SLC47A1: variants seen among roughly 807,000 people sequenced by gnomAD.
SLC47A1 encodes the protein multidrug and toxin extrusion protein 1.
In SLC47A1, 58 loss-of-function variants were observed where a neutral mutation model predicts 65.8. The ratio of observed to expected loss-of-function variants is 0.88; its 90% CI spans 0.71 to 1.10. The LOEUF is 1.10. SLC47A1 is among the 50% of genes least tolerant of loss of function. The pLI, the probability that SLC47A1 is intolerant of heterozygous loss-of-function variation, is 0.00. For synonymous variants in SLC47A1, 285 were observed against 295.0 expected, an observed-to-expected ratio of 0.97 and a Z score of 0.35; for missense variants, 706 against 719.2, an observed-to-expected ratio of 0.98 and a Z score of 0.21.
chr17:19,551,327 C>A, intron 5 of SLC47A1, 97 bp from the exon 6 acceptor site: 1 of 1,112,532 alleles, frequency 9.0e-7, no homozygotes, highest in Non-Finnish European at 1.4e-6. Flanking sequence ...AGAGGGCAGC[C>A]GAACCTTGGC....
chr17:19,540,543 G>A (rs1347672599), intron 1 of SLC47A1, among the ~76,000 whole-genome samples: 1 of 152,186 alleles, frequency 6.6e-6, no homozygotes, highest in Non-Finnish European at 1.5e-5. Flanking sequence ...ACATCTGTAA[G>A]GGTGGTGACA....
chr17:19,555,534 A>T (rs769455705), intron 7 of SLC47A1, 59 bp from the exon 8 acceptor site: 13 of 1,535,358 alleles, frequency 8.5e-6, no homozygotes, highest in Non-Finnish European at 1.2e-5. Context: ...CTCCTCACTG[A>T]GTTGGGCAGG....
chr17:19,557,464 C>T (rs1448113859), intron 10 of SLC47A1: 2 of 389,002 alleles, frequency 5.1e-6, no homozygotes, highest in Admixed American at 3.0e-5. Context: ...TAGTTTATTT[C>T]CAATGTTTCA....
At chr17:19,539,334 C>A (rs969593656) in intron 1 of SLC47A1, among the ~76,000 whole-genome samples, 1 of 152,156 alleles carries the variant, frequency 6.6e-6, no homozygotes, top group African/African-American at 2.4e-5. Flanking sequence ...TGGTTCATTC[C>A]CCGAGCACAG....
At chr17:19,557,920 A>G (rs1916667037) in intron 10 of SLC47A1, 1 of 202,304 alleles carries the variant, frequency 4.9e-6, no homozygotes, top group Admixed American at 5.3e-5. Context: ...AAAAAGATTC[A>G]TAAAAGTGAA....
At position 19,571,569 on chromosome 17, in the gene SLC47A1, G is replaced by A; in HGVS notation, c.1401G>A (p.Gln467=). The change falls in exon 15 of 17, where the codon CAG becomes CAA. Residue 467 remains glutamine (Q), a synonymous_variant. Coordinates refer to ENST00000270570, the MANE Select transcript of SLC47A1 (RefSeq NM_018242.3). ...AGCTAAATTGGAAAAAAGCCTGTCA[G>A]CAGGTAACTATGTTCATTCTGTCCC... ...IIQLNWKKAC[Q]QAQVHANLKV... The A allele has an allele frequency of 6.2e-7, 1 of 1,612,620 alleles. No individual in the cohort carries two copies. Among genetic ancestry groups the A allele is most frequent in the Non-Finnish European group, 8.5e-7 (1 of 1,178,692 alleles).
intron 2 of SLC47A1, among the ~76,000 whole-genome samples, chr17:19,543,357 G>A (rs1053276890): frequency 1.3e-5 from 2 of 152,000 alleles, no homozygotes. Flanking sequence ...TGATCCACCC[G>A]CCTCGGCCTC....
At chr17:19,543,061 G>A (rs1916190829) in intron 2 of SLC47A1, among the ~76,000 whole-genome samples, 1 of 150,674 alleles carries the variant, frequency 6.6e-6, no homozygotes, top group African/African-American at 2.4e-5. Flanking sequence ...GAAAGTGCTG[G>A]GATTACAGGT....
At chr17:19,569,641 C>G (rs1298952403) in intron 14 of SLC47A1, among the ~76,000 whole-genome samples, 1 of 152,250 alleles carries the variant, frequency 6.6e-6, no homozygotes, top group Non-Finnish European at 1.5e-5. Context: ...TAATGACCCT[C>G]AGAATCCCTG....
chr17:19,571,499 T>C lies in SLC47A1; in HGVS notation c.1331T>C (p.Ile444Thr), dbSNP rs761875354. Residue 444 changes from isoleucine to threonine, a missense_variant, in exon 15 of 17, where the codon ATC becomes ACC. Transcript: ENST00000270570. ...GVMGLWSGIIICTVFQAVCFL... is the reference protein window; with the variant it reads ...GVMGLWSGIITCTVFQAVCFL... ...CTAGGTCTGTGGTCAGGGATCATCA[T>C]CTGTACAGTCTTTCAAGCTGTGTGT... is the stretch of plus-strand genomic sequence containing the variant. 1 of 1,613,830 alleles carries C rather than the reference T, an allele frequency of 6.2e-7. No individual in the cohort carries two copies. Among genetic ancestry groups the C allele is most frequent in the East Asian group, 2.2e-5 (1 of 44,880 alleles).
chr17:19,553,179 T>C (rs564273740), intron 6 of SLC47A1, among the ~76,000 whole-genome samples: 1 of 151,944 alleles, frequency 6.6e-6, no homozygotes, highest in East Asian at 2.0e-4. Flanking sequence ...GTGAATGCCC[T>C]CGGAGAGGGT....
intron 1 of SLC47A1, among the ~76,000 whole-genome samples, chr17:19,536,655 A>G (rs1915996053): frequency 6.6e-6 from 1 of 152,146 alleles, no homozygotes. Flanking sequence ...TCTGTCTCCC[A>G]TCTCTAATCC....
intron 1 of SLC47A1, chr17:19,534,638 A>C (rs1915941150): frequency 6.6e-6 from 1 of 152,250 alleles, no homozygotes; most frequent in South Asian, 2.1e-4. Flanking sequence ...TTCAGAATTC[A>C]GTCAACCTCT....
intron 3 of SLC47A1, among the ~76,000 whole-genome samples, chr17:19,547,482 G>A (rs1916319390): frequency 6.6e-6 from 1 of 150,694 alleles, no homozygotes; most frequent in Admixed American, 6.6e-5. Context: ...AATGAAGTGT[G>A]AATTTCAGAT....
intron 4 of SLC47A1, among the ~76,000 whole-genome samples, 197 bp downstream of exon 4, chr17:19,548,330 C>T (rs1229718713): frequency 6.6e-6 from 1 of 152,004 alleles, no homozygotes; most frequent in Non-Finnish European, 1.5e-5. Flanking sequence ...GGGTGACTTG[C>T]ATGGTTAAGA....
rs552735757 is a variant in SLC47A1 at position 19,563,322 on chromosome 17, T to C, written c.1106+2829T>C. ...TAATTTTTTGTATTTTTGGTAGAGATGGGGTTTCACCGTGTTAGCCAGGAT... is the reference window on the plus strand; with the variant it reads ...TAATTTTTTGTATTTTTGGTAGAGACGGGGTTTCACCGTGTTAGCCAGGAT... On this transcript the variant is annotated intron_variant, in intron 12 of 16. Transcript: ENST00000270570. Among the ~76,000 whole-genome samples, 10 of 151,700 alleles carry C rather than the reference T, an allele frequency of 6.6e-5. No individual in the cohort carries two copies. The South Asian group carries it at 8.4e-4, about 13-fold the overall frequency.
rs78328796 is a variant in SLC47A1, at chr17:19,575,411, T to A, written c.1487-1916T>A. Among the ~76,000 whole-genome samples the A allele has an allele frequency of 2.0e-5, 3 of 150,534 alleles. No homozygotes were observed. In the East Asian group the frequency reaches 5.9e-4, roughly 30 times the overall value. On this transcript the variant is annotated intron_variant, in intron 16 of 16. Transcript: ENST00000270570. ...TTCTTATTATTATTCCTTTTTTTTTTTTTTTGAGATAGGGTCTTGTTCTGT... is the reference window on the plus strand; with the variant it reads ...TTCTTATTATTATTCCTTTTTTTTTATTTTTGAGATAGGGTCTTGTTCTGT...
chr17:19,576,527 T>C (rs572454788), intron 16 of SLC47A1, among the ~76,000 whole-genome samples: 64 of 151,814 alleles, frequency 4.2e-4, no homozygotes, highest in Middle Eastern at 3.4e-3. Flanking sequence ...AGTTTTTGTT[T>C]GTAGAGATGA....
chr17:19,556,086 G>A (rs769014453), intron 10 of SLC47A1, 24 bp downstream of exon 10: 21 of 1,612,504 alleles, frequency 1.3e-5, no homozygotes, highest in Non-Finnish European at 1.7e-5. Flanking sequence ...CCGATCATGG[G>A]GAGGTGCCAG....
Sources: allele counts gnomAD v4.1 joint callset (sites outside exome capture counted in the v4.1 genomes callset), GRCh38; gene constraint gnomAD v4.1.1; transcripts MANE v1.5; gene names NCBI Gene and HGNC (gene_info 2026-07-23, HGNC 2026-07-21).